Variants in UNC45A observed in about 807,000 individuals in gnomAD.
The protein encoded by UNC45A is protein unc-45 homolog A.
A neutral mutation model predicts 103.2 loss-of-function variants in UNC45A; 78 were observed. The observed-to-expected ratio is 0.76, with a 90% CI of 0.63 to 0.91. The LOEUF (loss-of-function observed/expected upper bound fraction) is 0.91, where lower values mean the gene tolerates loss of function less well. Among genes scored for constraint, UNC45A ranks in the 40% least tolerant of loss-of-function variants. UNC45A has a pLI of 0.00. For missense variants in UNC45A, 1,193 were observed against 1,224.8 expected (o/e 0.97, Z 0.39); for synonymous variants, 495 against 504.6 (o/e 0.98, Z 0.25).
chr15:90,941,230 C>T (rs941847137), intron 6 of UNC45A, among the ~76,000 whole-genome samples: 3 of 152,110 alleles, frequency 2.0e-5, no homozygotes, highest in Non-Finnish European at 2.9e-5. Flanking sequence ...AGACAGTGAC[C>T]GGACACGTAG....
chr15:90,932,353 G>A, upstream of UNC45A: 1 of 930,476 alleles, frequency 1.1e-6, no homozygotes, highest in Middle Eastern at 3.1e-4. Flanking sequence ...TCAATGAGGT[G>A]CACGCCCCCC....
rs2036350523 is a variant in UNC45A at position 90,942,609 on chromosome 15, A to C, written c.856+4A>C. On this transcript the variant is annotated splice_donor_region_variant and intron_variant, in intron 7 of 19. Transcript: ENST00000418476. ...AAAGAAGGTGCCATCATTGTGGGTG[A>C]GTGGAAGCAGGTCTGGGGTCTTTTG... 2 of 1,614,014 alleles carry C rather than the reference A, an allele frequency of 1.2e-6. No homozygotes were observed. The highest frequency in any genetic ancestry group is 1.3e-5 in the African/African-American group (1 of 74,916).
chr15:90,948,988 T>A (rs1294365741), intron 13 of UNC45A, among the ~76,000 whole-genome samples, 194 bp downstream of exon 13: 1 of 150,796 alleles, frequency 6.6e-6, no homozygotes, highest in Admixed American at 6.6e-5. Flanking sequence ...GCCATTCTCC[T>A]GCCTCAGCCT....
At chr15:90,931,282 G>A, upstream of UNC45A, 1 of 1,549,958 alleles carries the variant, frequency 6.5e-7, no homozygotes, top group Non-Finnish European at 8.7e-7. Context: ...TGATCAGATT[G>A]TCAGCCCCCG....
intron 13 of UNC45A, 138 bp downstream of exon 13, chr15:90,948,932 A>G: frequency 9.0e-7 from 1 of 1,113,524 alleles, no homozygotes; most frequent in African/African-American, 1.7e-5. Flanking sequence ...GCTGGAGTGC[A>G]GTGATGCGAT....
Position 90,953,516 on chromosome 15 carries a change from C to T in UNC45A, c.2635C>T (p.Gln879Ter), listed in dbSNP as rs373950880. ...ALLLSSNQEL[Q>*]HRGAVVVLNM... ...GCTTCTGAGCTCCAACCAGGAGCTG[C>T]AGCACCGGGGTGCTGTGGTGGTGCT... The change falls in exon 20 of 20, where the codon CAG (glutamine) becomes TAG (stop). Residue 879 changes from glutamine (Q) to a stop codon, truncating the protein, a stop_gained. Transcript: ENST00000418476. LOFTEE classifies it high-confidence loss of function. 3 of 1,614,158 alleles carry T rather than the reference C, an allele frequency of 1.9e-6. No individual in the cohort carries two copies. The highest frequency in any genetic ancestry group is 2.5e-6 in the Non-Finnish European group (3 of 1,180,048).
intron 15 of UNC45A, 54 bp downstream of exon 15, chr15:90,949,774 A>G (rs1596239553): frequency 1.9e-6 from 3 of 1,568,648 alleles, no homozygotes; most frequent in African/African-American, 1.4e-5. Context: ...CCTATAAAAC[A>G]TGACTCAGCA....
rs748177933 is a variant in UNC45A at position 90,948,812 on chromosome 15, G to T, written c.1878+18G>T. 1 of 1,580,264 alleles carries T rather than the reference G, an allele frequency of 6.3e-7. No homozygotes were observed. The highest frequency in any genetic ancestry group is 8.6e-7 in the Non-Finnish European group (1 of 1,162,456). ...ACCCCAAGGTGAGGGGCCGCCAGAG[G>T]GGCTAGAGGGTTCCCCACCATGGGG... On this transcript the variant is annotated intron_variant, in intron 13 of 19. Coordinates refer to ENST00000418476, the MANE Select transcript of UNC45A (RefSeq NM_018671.5).
Position 90,953,189 on chromosome 15 carries a change from G to A in UNC45A, c.2456G>A (p.Arg819Gln), listed in dbSNP as rs995978129. The change falls in exon 19 of 20, where the codon CGA becomes CAA. Residue 819 changes from arginine to glutamine, a missense_variant. Arg to Gln is a conservative substitution (Grantham distance 43). Coordinates refer to ENST00000418476, the MANE Select transcript of UNC45A (RefSeq NM_018671.5). ...CTCTTCGAAGCCCAGGGCAATGACC[G>A]ACTGAAGCTGCTGGTGCTGTACAGT... ...QDLFEAQGND[R>Q]LKLLVLYSGE... The A allele has an allele frequency of 6.2e-6, 10 of 1,613,772 alleles. No individual in the cohort carries two copies. Among genetic ancestry groups the A allele is most frequent in the Non-Finnish European group, 8.5e-6 (10 of 1,180,002 alleles).
chr15:90,935,908 G>C (rs1234552393), intron 2 of UNC45A, 38 bp from the exon 3 acceptor site: 3 of 1,613,750 alleles, frequency 1.9e-6, no homozygotes, highest in Non-Finnish European at 2.5e-6. Flanking sequence ...CCGAGAGGGA[G>C]ATGACCATTC....
Position 90,949,716 on chromosome 15 carries a change from G to A in UNC45A, c.2069G>A (p.Gly690Asp). Residue 690 changes from glycine (G) to aspartate (D), a missense_variant, in exon 15 of 20, where the codon GGC becomes GAC. Transcript: ENST00000418476. ...GGCACTGTGGTTGCCCAGGGAGGCG[G>A]CAGGGTAAGCTGGTTTACACACCCC... ...DRGTVVAQGG[G>D]RALIPLALEG... 1.2e-6 allele frequency: 2 copies of A among 1,614,148 alleles called. No individual in the cohort carries two copies. The highest frequency in any genetic ancestry group is 1.7e-4 in the Middle Eastern group (1 of 6,056).
At chr15:90,931,159 C>T (rs536721315), upstream of UNC45A, 5 of 1,270,800 alleles carry the variant, frequency 3.9e-6, no homozygotes, top group East Asian at 1.0e-4. Flanking sequence ...CTTTTTTTGG[C>T]CTCTAATATC....
upstream of UNC45A, chr15:90,931,143 G>A (rs2035774768): frequency 8.9e-7 from 1 of 1,122,880 alleles, no homozygotes; most frequent in Non-Finnish European, 1.3e-6. Context: ...GAGAAAAAAT[G>A]CAAGTCTTTT....
chr15:90,944,397 G>A (rs965081304), intron 8 of UNC45A, among the ~76,000 whole-genome samples: 1 of 151,610 alleles, frequency 6.6e-6, no homozygotes, highest in Non-Finnish European at 1.5e-5. Flanking sequence ...AAAAAAAAAA[G>A]ATAAATAAGA....
In UNC45A at chr15:90,950,616, G is replaced by T; in HGVS notation, c.2303+1G>T. ...TGGCTGGGATCAGCGAGAGGCTCCG[G>T]TAAGGTCCCTTGGGATTGCGGGGCC... On this transcript the variant is annotated splice_donor_variant, in intron 17 of 19. Coordinates refer to ENST00000418476, the MANE Select transcript of UNC45A (RefSeq NM_018671.5). LOFTEE classifies it high-confidence loss of function. The T allele has an allele frequency of 6.2e-7, 1 of 1,613,980 alleles. No individual in the cohort carries two copies. The highest frequency in any genetic ancestry group is 1.1e-5 in the South Asian group (1 of 91,046).
Position 90,953,947 on chromosome 15 carries a change from T to G in UNC45A, c.*231T>G. ...ACTCAGAGGGGCCCTTTTTCTGTAC[T>G]ACTGTAGTCAGCTGGGAATGGGGAA... is the stretch of plus-strand genomic sequence containing the variant. On this transcript the variant is annotated 3_prime_UTR_variant, in exon 20 of 20. Transcript: ENST00000418476. 1.7e-6 allele frequency: 1 copy of G among 591,064 alleles called. No homozygotes were observed. Among genetic ancestry groups the G allele is most frequent in the East Asian group, 3.0e-5 (1 of 33,282 alleles). The allele number at this position is 591,064 out of a possible 1,614,324, so 36.6% of individuals were successfully genotyped here.
Position 90,948,232 on chromosome 15 carries a change from A to G in UNC45A, c.1686A>G (p.Glu562=). Residue 562 remains glutamate (E), a synonymous_variant, in exon 12 of 20, where the codon GAA becomes GAG. Coordinates refer to ENST00000418476, the MANE Select transcript of UNC45A (RefSeq NM_018671.5). ...TGACCTTTGATGCCGACGTGAAGGA[A>G]GAGTTTGTGGAGGATGCGGCTGCTC... ...AYLTFDADVK[E]EFVEDAAALK... is the part of the protein sequence containing the mutation. The G allele has an allele frequency of 1.9e-6, 3 of 1,614,000 alleles. No individual in the cohort carries two copies. The highest frequency in any genetic ancestry group is 2.5e-6 in the Non-Finnish European group (3 of 1,179,932).
In UNC45A at chr15:90,944,995, G is replaced by A. The variant is rs2036490925; in HGVS notation, c.1131G>A (p.Lys377=). 2 of 1,613,032 alleles carry A rather than the reference G, an allele frequency of 1.2e-6. No homozygotes were observed. The highest frequency in any genetic ancestry group is 2.2e-5 in the East Asian group (1 of 44,882). The part of the protein sequence containing the change: ...SRMSASILLS[K]LFDDLKCDAE... ...TGAGCGCCTCTATTCTCCTCAGCAA[G>A]CTCTTTGATGACCTCAAGTGTGATG... is the stretch of plus-strand genomic sequence containing the variant. The change falls in exon 9 of 20, where the codon AAG becomes AAA. Residue 377 remains lysine, a synonymous_variant. Coordinates refer to ENST00000418476, the MANE Select transcript of UNC45A (RefSeq NM_018671.5).
chr15:90,942,331 A>T, intron 6 of UNC45A, 106 bp from the exon 7 acceptor site: 2 of 1,362,268 alleles, frequency 1.5e-6, no homozygotes, highest in Non-Finnish European at 2.0e-6. Flanking sequence ...TGGGCCTTCC[A>T]CCCAATTCTC....
Sources: gnomAD v4.1 joint callset for allele counts (sites outside exome capture counted in the v4.1 genomes callset) on GRCh38, gnomAD v4.1.1 for gene constraint, MANE v1.5 for transcripts, NCBI Gene and HGNC (gene_info 2026-07-23, HGNC 2026-07-21) for gene names.